The following CDH13 variants were observed in gnomAD, a reference collection of about 807,000 sequenced individuals.
CDH13 encodes cadherin 13, also known as cadherin-13.
In CDH13, 24 loss-of-function variants were observed where a neutral mutation model predicts 63.8. The observed-to-expected ratio is 0.38, with a 90% CI of 0.27 to 0.53. The LOEUF is 0.53. CDH13 is among the 20% of genes least tolerant of loss of function. CDH13 has a pLI of 0.85. For synonymous variants in CDH13, 503 were observed against 355.3 expected (o/e 1.42, Z -4.67); for missense variants, 1,049 against 903.1 (o/e 1.16, Z -2.07).
chr16:83,588,200 A>T (rs1404550852), intron 7 of CDH13, among the ~76,000 whole-genome samples: 1 of 151,898 alleles, frequency 6.6e-6, no homozygotes. Context: ...TTCCCTGCAC[A>T]CTCTTGGACA....
At chr16:82,824,287 C>G (rs912188324) in intron 1 of CDH13, 1 of 150,274 alleles carries the variant, frequency 6.7e-6, no homozygotes, top group African/African-American at 2.4e-5. Context: ...TAGAAACCAT[C>G]TCATTATTTT....
intron 7 of CDH13, among the ~76,000 whole-genome samples, chr16:83,565,236 A>G (rs376188674): frequency 5.3e-5 from 8 of 151,934 alleles, no homozygotes; most frequent in Non-Finnish European, 7.4e-5. Context: ...AATTGCCCTC[A>G]TAGTACCCTG....
At chr16:83,646,398 T>C (rs1407169792) in intron 8 of CDH13, among the ~76,000 whole-genome samples, 1 of 152,178 alleles carries the variant, frequency 6.6e-6, no homozygotes, top group Non-Finnish European at 1.5e-5. Flanking sequence ...GGCTCAACTT[T>C]CTTTAGAAAA....
At chr16:83,404,976 A>G (rs1231630534) in intron 6 of CDH13, among the ~76,000 whole-genome samples, 1 of 152,222 alleles carries the variant, frequency 6.6e-6, no homozygotes, top group Non-Finnish European at 1.5e-5. Flanking sequence ...TGAACAAAGT[A>G]GCCCATTATC....
chr16:82,904,990 A>G (rs1308908143), intron 2 of CDH13, among the ~76,000 whole-genome samples: 2 of 152,092 alleles, frequency 1.3e-5, no homozygotes, highest in East Asian at 3.9e-4. Flanking sequence ...AAATGAACCC[A>G]GGTTTCTTCA....
intron 2 of CDH13, among the ~76,000 whole-genome samples, chr16:82,981,987 C>A (rs916155284): frequency 4.6e-5 from 7 of 152,134 alleles, no homozygotes; most frequent in Non-Finnish European, 1.0e-4. Context: ...CTGTTGCTTG[C>A]CATTGGACTA....
intron 3 of CDH13, among the ~76,000 whole-genome samples, chr16:83,090,130 G>T (rs951102156): frequency 1.3e-5 from 2 of 152,144 alleles, no homozygotes; most frequent in Non-Finnish European, 2.9e-5. Context: ...AAAGCCTACA[G>T]CTTCCTCCTA....
chr16:83,604,921 C>T (rs192001126), intron 8 of CDH13, among the ~76,000 whole-genome samples: 49 of 152,264 alleles, frequency 3.2e-4, no homozygotes, highest in Non-Finnish European at 6.8e-4. Context: ...CTGTGAATGA[C>T]AGACTATTGT....
At chr16:82,906,866 T>G (rs965971089) in intron 2 of CDH13, among the ~76,000 whole-genome samples, 9 of 152,160 alleles carry the variant, frequency 5.9e-5, no homozygotes, top group African/African-American at 1.9e-4. Context: ...CTCTTCTGCC[T>G]CTCTGTCTGT....
At chr16:83,630,916 T>G (rs6563956) in intron 8 of CDH13, among the ~76,000 whole-genome samples, 1 of 152,080 alleles carries the variant, frequency 6.6e-6, no homozygotes, top group South Asian at 2.1e-4. Flanking sequence ...GCTTAGTAAT[T>G]GGGGGTCCCA....
intron 2 of CDH13, among the ~76,000 whole-genome samples, chr16:82,976,600 A>C (rs191347337): frequency 3.0e-4 from 45 of 152,272 alleles, no homozygotes; most frequent in African/African-American, 1.1e-3. Flanking sequence ...CCATTTTACA[A>C]CTGTAGAAAC....
chr16:82,641,764 T>C (rs760872816), intron 1 of CDH13, among the ~76,000 whole-genome samples: 11 of 152,170 alleles, frequency 7.2e-5, no homozygotes, highest in Non-Finnish European at 1.6e-4. Flanking sequence ...CTCAACACTT[T>C]TCTAGGCACT....
chr16:83,667,525 A>G (rs528778957), intron 8 of CDH13, among the ~76,000 whole-genome samples: 9 of 152,260 alleles, frequency 5.9e-5, no homozygotes, highest in Non-Finnish European at 8.8e-5. Flanking sequence ...TGTGTTGGGC[A>G]CTGTGCTGTT....
chr16:82,920,916 A>T (rs2042134576), intron 2 of CDH13, among the ~76,000 whole-genome samples: 1 of 152,200 alleles, frequency 6.6e-6, no homozygotes, highest in Non-Finnish European at 1.5e-5. Flanking sequence ...ATTCAATTTC[A>T]AATTTGTTAA....
intron 8 of CDH13, among the ~76,000 whole-genome samples, chr16:83,606,168 G>C (rs777584194): frequency 2.6e-5 from 4 of 152,210 alleles, no homozygotes; most frequent in Non-Finnish European, 5.9e-5. Context: ...GTGATCATTT[G>C]GAGTTGAGGA....
At chr16:83,341,380 A>T (rs2090718646) in intron 5 of CDH13, among the ~76,000 whole-genome samples, 1 of 152,218 alleles carries the variant, frequency 6.6e-6, no homozygotes, top group Admixed American at 6.5e-5. Context: ...TGACCTTCGT[A>T]TGAGAACAGT....
chr16:83,486,487 G>T lies in CDH13; in HGVS notation c.792G>T (p.Val264=). 1 of 1,613,158 alleles carries T rather than the reference G, an allele frequency of 6.2e-7. No homozygotes were observed. Residue 264 remains valine, a synonymous_variant, in exon 7 of 14, where the codon GTG becomes GTT. Transcript: ENST00000567109. The part of the protein sequence containing the change: ...VMEGSPTGTT[V]MRMTAFDADD... ...GTCTTGCCCCGGTAGGCACCACAGT[G>T]ATGCGGATGACAGCCTTTGATGCAG...
intron 1 of CDH13, among the ~76,000 whole-genome samples, chr16:82,789,473 G>A (rs2036182198): frequency 6.6e-6 from 1 of 152,176 alleles, no homozygotes; most frequent in South Asian, 2.1e-4. Context: ...AGACTTAGTG[G>A]TGTGGCTTTG....
intron 1 of CDH13, among the ~76,000 whole-genome samples, chr16:82,831,346 A>G (rs184024951): frequency 4.6e-4 from 70 of 152,172 alleles, no homozygotes; most frequent in African/African-American, 1.6e-3. Flanking sequence ...AATCCTAACA[A>G]TTCAGCTTGG....
Sources: allele counts gnomAD v4.1 joint callset (sites outside exome capture counted in the v4.1 genomes callset), GRCh38; gene constraint gnomAD v4.1.1; transcripts MANE v1.5; gene names NCBI Gene and HGNC (gene_info 2026-07-23, HGNC 2026-07-21).